PSMD5: variants seen among roughly 807,000 people sequenced by gnomAD.
The protein encoded by PSMD5 is 26S proteasome non-ATPase regulatory subunit 5.
PSMD5 carries 40 observed loss-of-function variants against 52.1 expected under a neutral mutation model. The observed-to-expected ratio is 0.77, with a 90% CI of 0.60 to 1.00. The LOEUF (loss-of-function observed/expected upper bound fraction) is 1.00. Ranked by LOEUF, PSMD5 falls within the 50% of genes least tolerant of loss-of-function variation. PSMD5 has a pLI of 0.00. For synonymous variants in PSMD5, 211 were observed against 226.6 expected (o/e 0.93, Z 0.62); for missense variants, 575 against 605.2 (o/e 0.95, Z 0.52).
At chr9:120,842,198 A>G (rs1293527448) in intron 1 of PSMD5, 1 of 154,928 alleles carries the variant, frequency 6.5e-6, no homozygotes. Flanking sequence ...GGTTTGAAGC[A>G]CTCCCTCGTG....
Position 120,824,661 on chromosome 9 carries a change from A to G in PSMD5, c.839T>C (p.Leu280Pro). ...CTGTTGAGGACTATCCATGACAGCC[A>G]GGTTTCCAAAAAACTTCACGAATCC... ...LPGFVKFFGNLAVMDSPQQIC... is the reference protein window; with the variant it reads ...LPGFVKFFGNPAVMDSPQQIC... The change falls in exon 7 of 10, where the codon CTG becomes CCG. Residue 280 changes from leucine (L) to proline (P), a missense_variant. Transcript: ENST00000210313. 6.3e-7 allele frequency: 1 copy of G among 1,599,302 alleles called. No individual in the cohort carries two copies. The highest frequency in any genetic ancestry group is 1.1e-5 in the South Asian group (1 of 88,062).
rs1588064626 is a variant in PSMD5 at position 120,817,525 on chromosome 9, C to T, written c.*381G>A. On this transcript the variant is annotated 3_prime_UTR_variant, in exon 10 of 10. Coordinates refer to ENST00000210313, the MANE Select transcript of PSMD5 (RefSeq NM_005047.4). The stretch of plus-strand genomic sequence containing the variant: ...ACTCAAGTGATTTGCCCATCTTGGC[C>T]TCCCAAAGTGCTGGGAATTATAGGT... 1 of 170,880 alleles carries T rather than the reference C, an allele frequency of 5.9e-6. No individual in the cohort carries two copies. The highest frequency in any genetic ancestry group is 1.6e-4 in the East Asian group (1 of 6,420). The allele number at this position is 170,880 out of a possible 1,614,324, so 10.6% of individuals were successfully genotyped here. A position where few individuals can be genotyped will look rare whatever the true frequency, so the allele number is the denominator to read the frequency against.
rs1309029231 is a variant in PSMD5 at position 120,831,351 on chromosome 9, CA to C, written c.540del (p.Ile180MetfsTer9). 1.7e-5 allele frequency: 28 copies of C among 1,610,036 alleles called. No individual in the cohort carries two copies. The Admixed American group carries it at 4.7e-4, about 27-fold the overall frequency. ...DLKSVMKTNDIVRYRVYELII... is the reference protein window; with the variant it reads ...DLKSVMKTNDXVRYRVYELII... ...CTTACCTCATACACCCTGTATCGAA[CA>C]ATGTCATTTGTTTTCATTACACTTT... On this transcript the variant is annotated frameshift_variant, in exon 4 of 10. Transcript: ENST00000210313. LOFTEE classifies it high-confidence loss of function.
intron 1 of PSMD5, among the ~76,000 whole-genome samples, chr9:120,837,954 C>A (rs555502955): frequency 6.6e-6 from 1 of 152,288 alleles, no homozygotes; most frequent in South Asian, 2.1e-4. Context: ...TTTATTCATG[C>A]CACATAGATA....
chr9:120,842,547 G>A (rs2045247516), intron 1 of PSMD5, 190 bp downstream of exon 1: 8 of 667,612 alleles, frequency 1.2e-5, no homozygotes, highest in South Asian at 7.7e-5. Context: ...AACACCCTGG[G>A]GCACTCTCAG....
Position 120,816,310 on chromosome 9 carries a change from C to T in PSMD5, c.*1596G>A, listed in dbSNP as rs1272991293. The T allele has an allele frequency of 1.3e-5, 2 of 152,064 alleles. No homozygotes were observed. Among genetic ancestry groups the T allele is most frequent in the African/African-American group, 4.8e-5 (2 of 41,368 alleles). The allele number at this position is 152,064 out of a possible 1,614,324, so 9.4% of individuals were successfully genotyped here. A position where few individuals can be genotyped will look rare whatever the true frequency, so the allele number is the denominator to read the frequency against. On this transcript the variant is annotated 3_prime_UTR_variant, in exon 10 of 10. Transcript: ENST00000210313. ...AAGATGGATGGTGGTGATGGTTGTA[C>T]AACTTATGAACATATGTAATATACT...
At chr9:120,835,083 C>A (rs1156387976) in intron 1 of PSMD5, among the ~76,000 whole-genome samples, 1 of 152,186 alleles carries the variant, frequency 6.6e-6, no homozygotes. Context: ...AATGAACATA[C>A]TCTTTTAATT....
chr9:120,836,717 A>G (rs189220727), intron 1 of PSMD5, among the ~76,000 whole-genome samples: 3 of 151,592 alleles, frequency 2.0e-5, no homozygotes, highest in Admixed American at 6.6e-5. Context: ...TTCTTGTTCA[A>G]ATCTTTGGCC....
intron 8 of PSMD5, among the ~76,000 whole-genome samples, 175 bp downstream of exon 8, chr9:120,821,180 T>G (rs1235125250): frequency 6.6e-6 from 1 of 152,220 alleles, no homozygotes; most frequent in African/African-American, 2.4e-5. Flanking sequence ...AAGCAGTCTC[T>G]AGAGTCTCTT....
intron 7 of PSMD5, 174 bp downstream of exon 7, chr9:120,824,320 A>T: frequency 1.1e-5 from 7 of 629,580 alleles, no homozygotes; most frequent in East Asian, 5.9e-5. Context: ...AAAAAAAAAA[A>T]GGTTTTCCGT....
Position 120,824,643 on chromosome 9 carries a change from G to C in PSMD5, c.857C>G (p.Pro286Arg), listed in dbSNP as rs764298853. 1.2e-6 allele frequency: 2 copies of C among 1,613,082 alleles called. No individual in the cohort carries two copies. Among genetic ancestry groups the C allele is most frequent in the Non-Finnish European group, 1.7e-6 (2 of 1,179,776 alleles). ...AGGATAACGCTCACAGATCTGTTGA[G>C]GACTATCCATGACAGCCAGGTTTCC... Reference protein sequence around the residue: ...FFGNLAVMDSPQQICERYPIF... With the variant: ...FFGNLAVMDSRQQICERYPIF... The change falls in exon 7 of 10, where the codon CCT (proline) becomes CGT (arginine). Residue 286 changes from proline (P) to arginine (R), a missense_variant. By Grantham distance (103) the Pro-to-Arg change is moderately radical (BLOSUM62 -2). Transcript: ENST00000210313.
At chr9:120,818,901 G>A (rs1476835504) in intron 9 of PSMD5, among the ~76,000 whole-genome samples, 2 of 152,146 alleles carry the variant, frequency 1.3e-5, no homozygotes, top group Non-Finnish European at 2.9e-5. Context: ...GTAGAAATAT[G>A]AAATCATTTA....
intron 7 of PSMD5, among the ~76,000 whole-genome samples, chr9:120,823,855 T>C (rs2045103208): frequency 6.6e-6 from 1 of 151,986 alleles, no homozygotes; most frequent in South Asian, 2.1e-4. Context: ...ATAACAAACT[T>C]TTATTTTCCT....
At chr9:120,836,997 C>T (rs1442091655) in intron 1 of PSMD5, among the ~76,000 whole-genome samples, 1 of 151,136 alleles carries the variant, frequency 6.6e-6, no homozygotes, top group Non-Finnish European at 1.5e-5. Context: ...TCAAGCGATT[C>T]TCCTGCCTCA....
intron 1 of PSMD5, among the ~76,000 whole-genome samples, chr9:120,840,608 G>C (rs1361543712): frequency 6.8e-6 from 1 of 146,028 alleles, no homozygotes; most frequent in African/African-American, 2.5e-5. Flanking sequence ...ACCAAGCCCA[G>C]CTAATTTTTG....
intron 5 of PSMD5, among the ~76,000 whole-genome samples, chr9:120,828,750 C>T (rs180714928): frequency 3.9e-5 from 6 of 152,210 alleles, no homozygotes; most frequent in Admixed American, 3.9e-4. Flanking sequence ...TCTATCATGC[C>T]ATAGTGTTGC....
intron 9 of PSMD5, 106 bp from the exon 10 acceptor site, chr9:120,818,269 G>T: frequency 1.7e-6 from 2 of 1,150,682 alleles, no homozygotes; most frequent in Non-Finnish European, 1.2e-6. Flanking sequence ...CTTTAAAAAT[G>T]TTACCTTTTG....
rs753572256 is a variant in PSMD5, at chr9:120,842,919, C to G, written c.-10G>C. 1 of 1,570,440 alleles carries G rather than the reference C, an allele frequency of 6.4e-7. No individual in the cohort carries two copies. The highest frequency in any genetic ancestry group is 1.3e-5 in the African/African-American group (1 of 74,160). On this transcript the variant is annotated 5_prime_UTR_variant, in exon 1 of 10. Transcript: ENST00000210313. ...AAGCCTGGGCTGCCATCTTGCCCCC[C>G]GACGCAGGGGCTGGCCCAGCGGCCC...
At chr9:120,820,250 A>G (rs1025872087) in intron 9 of PSMD5, among the ~76,000 whole-genome samples, 1 of 152,204 alleles carries the variant, frequency 6.6e-6, no homozygotes, top group East Asian at 1.9e-4. Flanking sequence ...GTCTTTATAT[A>G]TTTTCTTCAC....
Sources: allele counts gnomAD v4.1 joint callset (sites outside exome capture counted in the v4.1 genomes callset), GRCh38; gene constraint gnomAD v4.1.1; transcripts MANE v1.5; gene names NCBI Gene and HGNC (gene_info 2026-07-23, HGNC 2026-07-21).